The following MSN variants were observed in gnomAD, a reference collection of about 807,000 sequenced individuals.
MSN encodes the protein moesin, also known as epididymis luminal protein 70.
MSN carries 2 observed loss-of-function variants against 48.0 expected under a neutral mutation model. The observed-to-expected ratio is 0.04, with a 90% CI of 0.02 to 0.13. The LOEUF (loss-of-function observed/expected upper bound fraction) is 0.13, where lower values mean the gene tolerates loss of function less well. Among genes scored for constraint, MSN ranks in the 10% least tolerant of loss-of-function variants. The pLI is 1.00. For missense variants in MSN, 267 were observed against 470.1 expected, an observed-to-expected ratio of 0.57 and a Z score of 3.99; for synonymous variants, 146 against 166.9, an observed-to-expected ratio of 0.87 and a Z score of 0.97.
chrX:65,644,888 C>T (rs962370176), intron 1 of MSN, among the ~76,000 whole-genome samples: 3 of 112,406 alleles, frequency 2.7e-5, no homozygotes, highest in African/African-American at 9.7e-5. Flanking sequence ...GGACTTTTCC[C>T]TGTAGGTGTC....
At chrX:65,588,501 G>A (rs978545672) in exon 1 of MSN, 15 of 755,168 alleles carry the variant, frequency 2.0e-5, no homozygotes, top group East Asian at 7.1e-5. Flanking sequence ...CATGAGCTCC[G>A]GGGGCAGCAG....
chrX:65,674,262 T>C (rs2070973456), intron 1 of MSN, among the ~76,000 whole-genome samples: 1 of 111,396 alleles, frequency 9.0e-6, no homozygotes, highest in Non-Finnish European at 1.9e-5. Flanking sequence ...ATCGTATTCA[T>C]AGCCAGAGGG....
At chrX:65,653,483 T>G (rs866713266) in intron 1 of MSN, among the ~76,000 whole-genome samples, 1 of 110,899 alleles carries the variant, frequency 9.0e-6, no homozygotes, top group Non-Finnish European at 1.9e-5. Flanking sequence ...GGTCTGAGAC[T>G]AGGGAGTAAA....
At chrX:65,594,695 G>C (rs904824623) in intron 1 of MSN, among the ~76,000 whole-genome samples, 3 of 111,430 alleles carry the variant, frequency 2.7e-5, no homozygotes, top group African/African-American at 9.8e-5. Flanking sequence ...ACTTGACCTG[G>C]TTTCTACAGT....
rs751394670 is a variant in MSN at position 65,731,275 on chromosome X, G to A, written c.551+85G>A. On this transcript the variant is annotated intron_variant, in intron 5 of 12. Transcript: ENST00000360270. The stretch of plus-strand genomic sequence containing the variant: ...TCTAGGGAGAAGAGACTGATGACAA[G>A]GGACATTGGTGGATGTTGGAGAAAG... 78 of 783,403 alleles carry A rather than the reference G, an allele frequency of 1.0e-4. No homozygotes were observed. In the South Asian group the frequency reaches 1.8e-3, roughly 18 times the overall value. The allele number at this position is 783,403 out of a possible 1,213,427, so 64.6% of individuals were successfully genotyped here.
chrX:65,668,453 T>C (rs1333870336), intron 1 of MSN, among the ~76,000 whole-genome samples: 1 of 111,727 alleles, frequency 9.0e-6, no homozygotes, highest in Non-Finnish European at 1.9e-5. Flanking sequence ...TAGGCACCAG[T>C]CTGAGGAGAG....
chrX:65,609,082 T>G (rs1281287744), intron 1 of MSN, among the ~76,000 whole-genome samples: 1 of 105,218 alleles, frequency 9.5e-6, no homozygotes, highest in Non-Finnish European at 2.0e-5. Context: ...TTATTTTTTA[T>G]TATATTTATA....
chrX:65,705,384 G>A (rs2071351614), intron 1 of MSN, among the ~76,000 whole-genome samples: 1 of 111,683 alleles, frequency 9.0e-6, no homozygotes. Context: ...TGCCTAAGAA[G>A]GAGAGATGAG....
intron 1 of MSN, among the ~76,000 whole-genome samples, chrX:65,703,057 T>G (rs1216545275): frequency 8.9e-6 from 1 of 111,846 alleles, no homozygotes; most frequent in Non-Finnish European, 1.9e-5. Flanking sequence ...TGAGAGTCCT[T>G]TATGCTAGAA....
chrX:65,603,722 T>C (rs968326035), intron 1 of MSN, among the ~76,000 whole-genome samples: 2 of 112,561 alleles, frequency 1.8e-5, no homozygotes, highest in African/African-American at 6.5e-5. Flanking sequence ...TAATAAACTT[T>C]TATGTCATTA....
At chrX:65,691,629 C>T (rs1319141448) in intron 1 of MSN, among the ~76,000 whole-genome samples, 4 of 110,794 alleles carry the variant, frequency 3.6e-5, no homozygotes, top group African/African-American at 6.6e-5. Context: ...CTCAGCCTCC[C>T]GAGTAGCTGG....
intron 1 of MSN, among the ~76,000 whole-genome samples, chrX:65,596,673 T>C (rs2070189403): frequency 9.8e-6 from 1 of 102,393 alleles, no homozygotes; most frequent in Admixed American, 1.1e-4. Flanking sequence ...CCTCTTCTTT[T>C]ATAAAGAAGA....
At chrX:65,665,523 G>T (rs986773501), upstream of MSN, among the ~76,000 whole-genome samples, 6 of 111,840 alleles carry the variant, frequency 5.4e-5, no homozygotes, top group African/African-American at 2.0e-4. Context: ...TGTTAGCAGT[G>T]AGAGAAACCG....
At chrX:65,719,160 T>C (rs951260466) in intron 2 of MSN, among the ~76,000 whole-genome samples, 3 of 112,007 alleles carry the variant, frequency 2.7e-5, no homozygotes, top group African/African-American at 9.7e-5. Context: ...GGAGGTTATA[T>C]TGGAGAACTT....
chrX:65,621,392 C>T (rs1030083810), intron 1 of MSN, among the ~76,000 whole-genome samples: 9 of 112,189 alleles, frequency 8.0e-5, no homozygotes, highest in African/African-American at 2.6e-4. Context: ...ATGGTTTCAA[C>T]ATCCTTATCA....
rs2147513850 is a variant in MSN, at chrX:65,731,989, A to G, written c.698+5A>G. 6.7e-6 allele frequency: 8 copies of G among 1,201,538 alleles called. No individual in the cohort carries two copies. Among genetic ancestry groups the G allele is most frequent in the Non-Finnish European group, 9.0e-6 (8 of 889,809 alleles). On this transcript the variant is annotated splice_donor_5th_base_variant and intron_variant, in intron 6 of 12. Transcript: ENST00000360270. ...CATCTATGAGCAGAATGACAGGTAT[A>G]TCTCAGATCTCTTTTAGTTTATTTA...
At chrX:65,635,328 C>A (rs2070590541) in intron 1 of MSN, among the ~76,000 whole-genome samples, 2 of 111,120 alleles carry the variant, frequency 1.8e-5, no homozygotes, top group Non-Finnish European at 3.8e-5. Flanking sequence ...CATTTTCTTT[C>A]CCATCCCAGA....
chrX:65,616,910 G>C (rs1169875710), intron 1 of MSN, among the ~76,000 whole-genome samples: 2 of 110,834 alleles, frequency 1.8e-5, no homozygotes, highest in Non-Finnish European at 3.8e-5. Flanking sequence ...AGAGTTTTTA[G>C]CATGAAGAGT....
intron 1 of MSN, among the ~76,000 whole-genome samples, chrX:65,699,803 C>T (rs1208558680): frequency 9.4e-6 from 1 of 106,198 alleles, no homozygotes; most frequent in Non-Finnish European, 1.9e-5. Flanking sequence ...TTTGGAAGGA[C>T]CTTTGTGTAG....
Sources: allele counts gnomAD v4.1 joint callset (sites outside exome capture counted in the v4.1 genomes callset), GRCh38; gene constraint gnomAD v4.1.1; transcripts MANE v1.5; gene names NCBI Gene and HGNC (gene_info 2026-07-23, HGNC 2026-07-21).